Variants in ADAM23 observed in about 807,000 individuals in gnomAD.
ADAM23 encodes ADAM metallopeptidase domain 23, also known as disintegrin and metalloproteinase domain-containing protein 23.
Under a neutral mutation model 120.1 loss-of-function variants are expected in ADAM23, and 33 were observed. That is an observed-to-expected ratio of 0.27 (90% confidence interval 0.21 to 0.37). The LOEUF (loss-of-function observed/expected upper bound fraction) is 0.37, where lower values mean the gene tolerates loss of function less well. ADAM23 is among the 10% of genes least tolerant of loss of function. The pLI is 1.00. For missense variants in ADAM23, 862 were observed against 1,058.2 expected, an observed-to-expected ratio of 0.81 and a Z score of 2.57; for synonymous variants, 367 against 375.2, an observed-to-expected ratio of 0.98 and a Z score of 0.25.
chr2:206,554,459 A>G (rs529213116), intron 9 of ADAM23, among the ~76,000 whole-genome samples: 3 of 152,230 alleles, frequency 2.0e-5, no homozygotes, highest in Non-Finnish European at 4.4e-5. Flanking sequence ...GTGTTTTGCT[A>G]CATACTTAAC....
intron 3 of ADAM23, among the ~76,000 whole-genome samples, chr2:206,485,978 G>T (rs558732281): frequency 3.3e-5 from 5 of 152,218 alleles, no homozygotes; most frequent in Non-Finnish European, 5.9e-5. Flanking sequence ...AGCTAAGGAG[G>T]ATGTGGGATG....
intron 2 of ADAM23, among the ~76,000 whole-genome samples, chr2:206,452,508 G>GA (rs1450165710): frequency 6.6e-6 from 1 of 152,222 alleles, no homozygotes; most frequent in Admixed American, 6.5e-5. Context: ...TACAGTTGGT[G>GA]AAAAAATAAC....
At chr2:206,522,305 A>G (rs1696861479) in intron 3 of ADAM23, among the ~76,000 whole-genome samples, 1 of 151,818 alleles carries the variant, frequency 6.6e-6, no homozygotes, top group African/African-American at 2.4e-5. Context: ...TTGTTTTTGC[A>G]TATTTATCTT....
chr2:206,531,245 G>A (rs1002420743), intron 4 of ADAM23, among the ~76,000 whole-genome samples: 8 of 152,204 alleles, frequency 5.3e-5, no homozygotes, highest in African/African-American at 1.4e-4. Context: ...AGAAGGATGA[G>A]GCTCATGGCC....
intron 2 of ADAM23, among the ~76,000 whole-genome samples, chr2:206,475,420 AC>A (rs1695756588): frequency 6.6e-6 from 1 of 152,134 alleles, no homozygotes; most frequent in Non-Finnish European, 1.5e-5. Flanking sequence ...TTCTCTAGCT[AC>A]AGGATAGGTC....
chr2:206,446,291 T>C (rs557975952), intron 2 of ADAM23, among the ~76,000 whole-genome samples: 1 of 152,322 alleles, frequency 6.6e-6, no homozygotes, highest in South Asian at 2.1e-4. Context: ...TACTATTCTT[T>C]ACTTGAATTA....
At chr2:206,535,421 A>G (rs1697153719) in intron 4 of ADAM23, among the ~76,000 whole-genome samples, 2 of 152,240 alleles carry the variant, frequency 1.3e-5, no homozygotes, top group Admixed American at 6.5e-5. Context: ...AGTTCAACAA[A>G]GAGTTACCAT....
intron 6 of ADAM23, among the ~76,000 whole-genome samples, chr2:206,545,134 A>T (rs1697369263): frequency 1.3e-5 from 2 of 152,200 alleles, no homozygotes; most frequent in Non-Finnish European, 2.9e-5. Flanking sequence ...ATAGAGTTAG[A>T]TTATTGCAGT....
chr2:206,615,817 G>A (rs529693484), intron 25 of ADAM23, among the ~76,000 whole-genome samples: 1 of 152,334 alleles, frequency 6.6e-6, no homozygotes, highest in South Asian at 2.1e-4. Context: ...GACACCAGCG[G>A]TTGTCTGTGT....
intron 3 of ADAM23, among the ~76,000 whole-genome samples, chr2:206,517,125 A>C (rs1696750809): frequency 6.6e-6 from 1 of 152,226 alleles, no homozygotes; most frequent in Admixed American, 6.5e-5. Context: ...TCTGTTTGAA[A>C]TATACTAAAG....
intron 3 of ADAM23, among the ~76,000 whole-genome samples, chr2:206,522,477 A>C (rs1400143577): frequency 2.0e-5 from 3 of 152,082 alleles, no homozygotes; most frequent in Non-Finnish European, 4.4e-5. Flanking sequence ...AAAGTAAAGA[A>C]AAAAGTAAAA....
intron 17 of ADAM23, 115 bp from the exon 18 acceptor site, chr2:206,573,000 A>G: frequency 9.8e-7 from 1 of 1,018,394 alleles, no homozygotes; most frequent in African/African-American, 1.6e-5. Context: ...ATTCTTAAAA[A>G]GAGTTTGGTG....
intron 3 of ADAM23, among the ~76,000 whole-genome samples, chr2:206,493,034 T>C (rs893408733): frequency 6.6e-6 from 1 of 152,216 alleles, no homozygotes; most frequent in Non-Finnish European, 1.5e-5. Context: ...TGGTTCTCCA[T>C]AGATTTATAT....
chr2:206,459,057 T>G (rs896347787), intron 2 of ADAM23, among the ~76,000 whole-genome samples: 1 of 152,226 alleles, frequency 6.6e-6, no homozygotes, highest in Non-Finnish European at 1.5e-5. Context: ...AATACACTGA[T>G]TCCCCTCTTC....
chr2:206,460,434 T>G (rs1559216732), intron 2 of ADAM23, among the ~76,000 whole-genome samples: 1 of 152,202 alleles, frequency 6.6e-6, no homozygotes. Context: ...CTCTAATGAG[T>G]ATGAAGTGGT....
chr2:206,588,239 G>A, intron 20 of ADAM23, 85 bp downstream of exon 20: 2 of 1,397,384 alleles, frequency 1.4e-6, no homozygotes, highest in Non-Finnish European at 1.0e-6. Context: ...TGAGAGAGAT[G>A]CACAGCTTGG....
intron 22 of ADAM23, 24 bp from the exon 23 acceptor site, chr2:206,594,713 A>G: frequency 6.2e-7 from 1 of 1,613,720 alleles, no homozygotes. Context: ...GCAAATAGTT[A>G]TATGGGTATC....
intron 4 of ADAM23, among the ~76,000 whole-genome samples, chr2:206,535,697 G>A (rs1697158262): frequency 6.6e-6 from 1 of 152,184 alleles, no homozygotes; most frequent in Admixed American, 6.5e-5. Context: ...AGTAAAATAA[G>A]CCATACACGA....
At chr2:206,453,189 G>A (rs1411286612) in intron 2 of ADAM23, among the ~76,000 whole-genome samples, 1 of 152,154 alleles carries the variant, frequency 6.6e-6, no homozygotes, top group African/African-American at 2.4e-5. Context: ...TCCATAGCAG[G>A]TTATAATTTT....
Sources: gnomAD v4.1 joint callset for allele counts (sites outside exome capture counted in the v4.1 genomes callset) on GRCh38, gnomAD v4.1.1 for gene constraint, MANE v1.5 for transcripts, NCBI Gene and HGNC (gene_info 2026-07-23, HGNC 2026-07-21) for gene names.